Variants in ATG10 observed in about 807,000 individuals in gnomAD.
ATG10 encodes autophagy related 10, also known as ubiquitin-like-conjugating enzyme ATG10.
Under a neutral mutation model 32.1 loss-of-function variants are expected in ATG10, and 30 were observed. That is an observed-to-expected ratio of 0.94 (90% CI 0.70 to 1.27). The LOEUF (loss-of-function observed/expected upper bound fraction) is 1.27. Among genes scored for constraint, ATG10 ranks in the 50% most tolerant of loss-of-function variants. The probability of loss-of-function intolerance (pLI) is 0.00; values close to 1 mark genes in which losing one functional copy is unlikely to be tolerated. For synonymous variants in ATG10, 87 were observed against 91.5 expected (o/e 0.95, Z 0.28); for missense variants, 233 against 262.3 (o/e 0.89, Z 0.77).
In ATG10 at chr5:82,039,974, C is replaced by T. The variant is rs141676284; in HGVS notation, c.109-18521C>T. 4.9e-3 allele frequency among the ~76,000 whole-genome samples: 753 copies of T among 152,274 alleles called. 7 individuals are homozygous for T. Among genetic ancestry groups the T allele is most frequent in the African/African-American group, 0.017 (725 of 41,550 alleles). On this transcript the variant is annotated intron_variant, in intron 2 of 7. Transcript: ENST00000282185. ...ACATGCCTGGTGCTTGACAGGACAACTGTTAAGGGTATACTGGGATCTTAT... is the reference window on the plus strand; with the variant it reads ...ACATGCCTGGTGCTTGACAGGACAATTGTTAAGGGTATACTGGGATCTTAT...
At chr5:82,218,773 T>C (rs2149989876) in intron 5 of ATG10, among the ~76,000 whole-genome samples, 1 of 152,340 alleles carries the variant, frequency 6.6e-6, no homozygotes, top group South Asian at 2.1e-4. Context: ...CTAAAATCTC[T>C]CTGCACAGAG....
intron 3 of ATG10, among the ~76,000 whole-genome samples, chr5:82,067,402 C>T (rs778003392): frequency 6.6e-6 from 1 of 152,220 alleles, no homozygotes; most frequent in Non-Finnish European, 1.5e-5. Context: ...TGAAACTAAT[C>T]AGAAAGCAAC....
chr5:82,145,401 G>T (rs1767311484), intron 3 of ATG10, among the ~76,000 whole-genome samples: 1 of 151,572 alleles, frequency 6.6e-6, no homozygotes, highest in Non-Finnish European at 1.5e-5. Flanking sequence ...TGACTTTTTA[G>T]ATACACTTCT....
chr5:82,073,946 T>G (rs977665773), intron 3 of ATG10, among the ~76,000 whole-genome samples: 1 of 152,186 alleles, frequency 6.6e-6, no homozygotes, highest in Non-Finnish European at 1.5e-5. Context: ...AAATGGTAAG[T>G]GACAAAACTA....
chr5:82,084,934 A>G (rs1391251030), intron 3 of ATG10, among the ~76,000 whole-genome samples: 1 of 152,228 alleles, frequency 6.6e-6, no homozygotes, highest in African/African-American at 2.4e-5. Flanking sequence ...TAACGAGCAA[A>G]ATAACCAGCT....
rs371992148 is a variant in ATG10 at position 82,100,325 on chromosome 5, A to G, written c.216+41723A>G. Among the ~76,000 whole-genome samples, 18 of 151,694 alleles carry G rather than the reference A, an allele frequency of 1.2e-4. No homozygotes were observed. In the Middle Eastern group the frequency reaches 0.01, roughly 87 times the overall value. ...CCTGGCCCAGTGATTTCTTTTTTCT[A>G]AGTATTTGTTATATAAATGGGTGGT... On this transcript the variant is annotated intron_variant, in intron 3 of 7. Transcript: ENST00000282185.
intron 2 of ATG10, among the ~76,000 whole-genome samples, chr5:82,049,463 G>T (rs1412023354): frequency 6.6e-6 from 1 of 151,880 alleles, no homozygotes; most frequent in African/African-American, 2.4e-5. Context: ...TGACGAGTTA[G>T]TGGGTGCAGC....
chr5:82,174,765 C>T (rs1461261148), intron 4 of ATG10, among the ~76,000 whole-genome samples: 1 of 152,140 alleles, frequency 6.6e-6, no homozygotes, highest in Non-Finnish European at 1.5e-5. Context: ...ATATTTAAGA[C>T]CTGATATGCT....
chr5:81,991,665 C>T (rs1761462632), intron 2 of ATG10, among the ~76,000 whole-genome samples: 3 of 152,038 alleles, frequency 2.0e-5, no homozygotes, highest in African/African-American at 7.2e-5. Flanking sequence ...TGTGGTGGTG[C>T]ATGCCTAAAA....
chr5:82,082,974 G>A (rs1001168350), intron 3 of ATG10, among the ~76,000 whole-genome samples: 17 of 152,324 alleles, frequency 1.1e-4, no homozygotes, highest in African/African-American at 3.4e-4. Flanking sequence ...CTGAGGTACC[G>A]GGTTCATCTC....
intron 3 of ATG10, among the ~76,000 whole-genome samples, chr5:82,100,954 G>A (rs1765253140): frequency 6.6e-6 from 1 of 152,054 alleles, no homozygotes; most frequent in Admixed American, 6.5e-5. Flanking sequence ...GCTGTATTCT[G>A]AAACATTTAA....
intron 1 of ATG10, among the ~76,000 whole-genome samples, chr5:81,983,416 CT>C (rs1761129502): frequency 1.5e-5 from 2 of 135,724 alleles, no homozygotes; most frequent in African/African-American, 2.8e-5. Context: ...GGGGGGCTGA[CT>C]CCCCCACCTC....
At chr5:82,181,285 T>A (rs1379812968) in intron 5 of ATG10, among the ~76,000 whole-genome samples, 1 of 152,166 alleles carries the variant, frequency 6.6e-6, no homozygotes, top group Non-Finnish European at 1.5e-5. Context: ...AATAACAATG[T>A]TTATTTAAGC....
intron 3 of ATG10, among the ~76,000 whole-genome samples, chr5:82,074,274 A>G (rs1209137502): frequency 6.6e-6 from 1 of 152,208 alleles, no homozygotes; most frequent in African/African-American, 2.4e-5. Context: ...TAATAATTTA[A>G]TTGTAAGACT....
At chr5:82,144,401 T>C (rs1248235136) in intron 3 of ATG10, among the ~76,000 whole-genome samples, 5 of 152,008 alleles carry the variant, frequency 3.3e-5, no homozygotes, top group Non-Finnish European at 2.9e-5. Context: ...GGTTGAAAGT[T>C]AAGTAACTGA....
chr5:82,161,726 CACACACAGAGG>C (rs1384226761), intron 3 of ATG10, among the ~76,000 whole-genome samples: 2 of 151,688 alleles, frequency 1.3e-5, no homozygotes, highest in Non-Finnish European at 2.9e-5. Context: ...CACACACACA[CACACACAGAGG>C]TATGGTGACA....
At chr5:82,009,175 A>G (rs980435354) in intron 2 of ATG10, among the ~76,000 whole-genome samples, 2 of 152,198 alleles carry the variant, frequency 1.3e-5, no homozygotes, top group African/African-American at 4.8e-5. Context: ...TGAACAGTGT[A>G]GTGGACACTG....
intron 1 of ATG10, among the ~76,000 whole-genome samples, chr5:81,977,106 G>GCTCAGGCAATC (rs1423461764): frequency 6.6e-6 from 1 of 152,076 alleles, no homozygotes; most frequent in African/African-American, 2.4e-5. Context: ...GAATTCCTGA[G>GCTCAGGCAATC]CTCAGGCAAT....
At chr5:82,198,251 G>T (rs1278410077) in intron 5 of ATG10, among the ~76,000 whole-genome samples, 2 of 152,194 alleles carry the variant, frequency 1.3e-5, no homozygotes, top group African/African-American at 2.4e-5. Context: ...GTGAGCAAAA[G>T]AAACCAGATT....
Sources: gnomAD v4.1 joint callset for allele counts (sites outside exome capture counted in the v4.1 genomes callset) on GRCh38, gnomAD v4.1.1 for gene constraint, MANE v1.5 for transcripts, NCBI Gene and HGNC (gene_info 2026-07-23, HGNC 2026-07-21) for gene names.